The following USH2A variants were observed in gnomAD, a reference collection of about 807,000 sequenced individuals.
USH2A encodes usherin.
USH2A carries 443 observed loss-of-function variants against 538.9 expected under a neutral mutation model. The ratio of observed to expected loss-of-function variants is 0.82; its 90% CI spans 0.76 to 0.89. The LOEUF (loss-of-function observed/expected upper bound fraction) is 0.89, where lower values mean the gene tolerates loss of function less well. USH2A is among the 40% of genes least tolerant of loss of function. USH2A has a pLI of 0.00. For synonymous variants in USH2A, 2,413 were observed against 2,273.5 expected, an observed-to-expected ratio of 1.06 and a Z score of -1.75; for missense variants, 6,633 against 6,324.8, an observed-to-expected ratio of 1.05 and a Z score of -1.65.
intron 55 of USH2A, among the ~76,000 whole-genome samples, chr1:215,774,343 T>A (rs1661393706): frequency 2.0e-5 from 3 of 151,898 alleles, no homozygotes; most frequent in Admixed American, 6.6e-5. Context: ...AGTTACTTCT[T>A]TGGCAGACTC....
intron 21 of USH2A, among the ~76,000 whole-genome samples, chr1:216,170,504 T>A (rs76965697): frequency 0.016 from 2,365 of 152,188 alleles, 66 homozygotes; most frequent in African/African-American, 0.054. Context: ...ATCTCCCCAG[T>A]GGTTTGCTAC....
rs147169566 is a variant in USH2A at position 215,661,838 on chromosome 1, G to A, written c.14133+9134C>T. ...GAGTAGAATAAGAGTGGCCTTTAGA[G>A]TTTGGTGTGGAAATCGTGCTGTCCC... On this transcript the variant is annotated intron_variant, in intron 64 of 71. Transcript: ENST00000307340. 5.2e-3 allele frequency among the ~76,000 whole-genome samples: 789 copies of A among 152,280 alleles called. 10 individuals carry two copies. The highest frequency in any genetic ancestry group is 0.018 in the African/African-American group (765 of 41,562).
chr1:216,234,302 A>T (rs2035763919), intron 13 of USH2A, among the ~76,000 whole-genome samples: 1 of 152,114 alleles, frequency 6.6e-6, no homozygotes, highest in Non-Finnish European at 1.5e-5. Context: ...GCTCAATGAG[A>T]GGAAAAGAAA....
intron 37 of USH2A, among the ~76,000 whole-genome samples, chr1:215,954,103 T>C (rs982834477): frequency 6.6e-5 from 10 of 152,282 alleles, no homozygotes; most frequent in African/African-American, 9.6e-5. Context: ...GGAACACTTT[T>C]ACACTGTTGG....
chr1:215,727,268 T>C (rs748972865), intron 61 of USH2A, among the ~76,000 whole-genome samples: 1 of 152,056 alleles, frequency 6.6e-6, no homozygotes, highest in Non-Finnish European at 1.5e-5. Context: ...CATACATATA[T>C]ACATATACAT....
At chr1:216,198,135 G>A (rs1445308519) in intron 18 of USH2A, among the ~76,000 whole-genome samples, 180 bp downstream of exon 18, 1 of 152,062 alleles carries the variant, frequency 6.6e-6, no homozygotes, top group Non-Finnish European at 1.5e-5. Context: ...CTTGCTGCAA[G>A]TACTTTATGA....
chr1:215,908,281 C>T (rs889553077), intron 38 of USH2A, among the ~76,000 whole-genome samples: 1 of 151,888 alleles, frequency 6.6e-6, no homozygotes, highest in Non-Finnish European at 1.5e-5. Flanking sequence ...CCATGATAAA[C>T]CAAGGTAATG....
intron 3 of USH2A, among the ~76,000 whole-genome samples, chr1:216,398,360 T>C (rs1423593966): frequency 6.6e-6 from 1 of 152,198 alleles, no homozygotes; most frequent in Admixed American, 6.5e-5. Flanking sequence ...GTTGTTGTTT[T>C]AATATCCAGA....
At chr1:216,411,086 A>T (rs1571793290) in intron 3 of USH2A, among the ~76,000 whole-genome samples, 1 of 141,600 alleles carries the variant, frequency 7.1e-6, no homozygotes, top group African/African-American at 2.5e-5. Context: ...GTTCCATTTA[A>T]AAAAAAAATC....
At chr1:215,940,483 G>C (rs1666606200) in intron 37 of USH2A, among the ~76,000 whole-genome samples, 1 of 152,030 alleles carries the variant, frequency 6.6e-6, no homozygotes, top group African/African-American at 2.4e-5. Flanking sequence ...GTTTCTTCCA[G>C]ATTCCATTTT....
At chr1:216,249,073 C>T (rs567461990) in intron 12 of USH2A, among the ~76,000 whole-genome samples, 109 of 150,658 alleles carry the variant, frequency 7.2e-4, no homozygotes, top group Non-Finnish European at 1.4e-3. Flanking sequence ...TTCTGGGCTT[C>T]TTTTTTTTTC....
In USH2A at chr1:216,353,659, T is replaced by C. The variant is rs544435563; in HGVS notation, c.784+11294A>G. 3.9e-5 allele frequency among the ~76,000 whole-genome samples: 6 copies of C among 152,054 alleles called. No individual in the cohort carries two copies. The East Asian group carries it at 1.2e-3, about 29-fold the overall frequency. On this transcript the variant is annotated intron_variant, in intron 4 of 71. Coordinates refer to ENST00000307340, the MANE Select transcript of USH2A (RefSeq NM_206933.4). ...GCCATAGCTGAAACAATCTAGAGGG[T>C]TGGAGAGTTAAGTATAGACAGAGTT... is the stretch of plus-strand genomic sequence containing the variant.
intron 27 of USH2A, among the ~76,000 whole-genome samples, chr1:216,077,490 A>T (rs1188710686): frequency 1.3e-5 from 2 of 151,302 alleles, no homozygotes; most frequent in Non-Finnish European, 2.9e-5. Context: ...ATGCATACCA[A>T]CTTAATTTAT....
At chr1:216,267,899 T>A (rs2036506535) in intron 11 of USH2A, among the ~76,000 whole-genome samples, 1 of 152,108 alleles carries the variant, frequency 6.6e-6, no homozygotes, top group Non-Finnish European at 1.5e-5. Flanking sequence ...TTATTTTGAG[T>A]AATTGAATCT....
intron 64 of USH2A, among the ~76,000 whole-genome samples, chr1:215,654,401 T>C (rs1203053834): frequency 6.6e-6 from 1 of 152,168 alleles, no homozygotes; most frequent in Non-Finnish European, 1.5e-5. Flanking sequence ...CCATGTGTTC[T>C]CATAGACTGA....
intron 9 of USH2A, among the ~76,000 whole-genome samples, chr1:216,306,252 C>A (rs2037314881): frequency 6.6e-6 from 1 of 151,916 alleles, no homozygotes; most frequent in African/African-American, 2.4e-5. Context: ...AATTCAAAAG[C>A]CTTGTCTTCA....
chr1:216,046,932 C>T (rs1461621293), intron 31 of USH2A, among the ~76,000 whole-genome samples: 2 of 152,106 alleles, frequency 1.3e-5, no homozygotes, highest in African/African-American at 4.8e-5. Flanking sequence ...CCTCAAGGAG[C>T]TTGTGATCTG....
rs1049364676 is a variant in USH2A at position 215,743,469 on chromosome 1, T to C, written c.11390-134A>G. On this transcript the variant is annotated intron_variant, in intron 58 of 71. Coordinates refer to ENST00000307340, the MANE Select transcript of USH2A (RefSeq NM_206933.4). ...ATAAATAAATATATATAGACACACA[T>C]ATATATATAAATAAAACAGAATGGG... is the stretch of plus-strand genomic sequence containing the variant. 32 of 259,858 alleles carry C rather than the reference T, an allele frequency of 1.2e-4. 2 individuals carry two copies. Among genetic ancestry groups the C allele is most frequent in the African/African-American group, 3.6e-4 (15 of 42,100 alleles). The allele number at this position is 259,858 out of a possible 1,614,324, so 16.1% of individuals were successfully genotyped here.
At position 215,648,664 on chromosome 1, in the gene USH2A, T is replaced by A; in HGVS notation, c.14446A>T (p.Lys4816Ter). 1.2e-6 allele frequency: 2 copies of A among 1,614,194 alleles called. No individual in the cohort carries two copies. Among genetic ancestry groups the A allele is most frequent in the Non-Finnish European group, 1.7e-6 (2 of 1,180,040 alleles). Reference protein sequence around the residue: ...EACTCFNCCSKGPTAELRTHP... With the variant: ...EACTCFNCCS Reference sequence around the variant, plus strand: ...GTTCTCAGTTCAGCTGTCGGTCCTTTGCTGCAACAGTTGAAGCAGGTGCAG... The same window carrying A: ...GTTCTCAGTTCAGCTGTCGGTCCTTAGCTGCAACAGTTGAAGCAGGTGCAG... The change falls in exon 66 of 72, where the codon AAA (lysine) becomes TAA (stop). Residue 4816 changes from lysine to a stop codon, truncating the protein, a stop_gained. Coordinates refer to ENST00000307340, the MANE Select transcript of USH2A (RefSeq NM_206933.4). LOFTEE classifies it high-confidence loss of function.
Sources: gnomAD v4.1 joint callset for allele counts (sites outside exome capture counted in the v4.1 genomes callset) on GRCh38, gnomAD v4.1.1 for gene constraint, MANE v1.5 for transcripts, NCBI Gene and HGNC (gene_info 2026-07-23, HGNC 2026-07-21) for gene names.